The following ARG2 variants were observed in gnomAD, a reference collection of about 807,000 sequenced individuals.
ARG2 encodes the protein arginase 2, also known as arginase-2, mitochondrial.
Under a neutral mutation model 39.4 loss-of-function variants are expected in ARG2, and 21 were observed. The ratio of observed to expected loss-of-function variants is 0.53; its 90% CI spans 0.38 to 0.77. The LOEUF (loss-of-function observed/expected upper bound fraction) is 0.77. ARG2 is among the 30% of genes least tolerant of loss of function. The pLI is 0.00. For synonymous variants in ARG2, 150 were observed against 156.7 expected (o/e 0.96, Z 0.32); for missense variants, 378 against 426.2 (o/e 0.89, Z 1.00).
chr14:67,621,698 GCTT>G (rs2036812171), intron 2 of ARG2, among the ~76,000 whole-genome samples: 1 of 151,382 alleles, frequency 6.6e-6, no homozygotes, highest in Admixed American at 6.6e-5. Context: ...GCCCACCTCA[GCTT>G]CCCAAAGTGC....
chr14:67,644,997 TAAAA>T (rs558540535), intron 3 of ARG2, among the ~76,000 whole-genome samples: 1 of 132,434 alleles, frequency 7.6e-6, no homozygotes, highest in South Asian at 2.4e-4. Flanking sequence ...GACTCCGTCT[TAAAA>T]AAAAAAAAAA....
At chr14:67,620,841 T>G (rs1020093623) in intron 1 of ARG2, 53 bp from the exon 2 acceptor site, 45 of 1,595,572 alleles carry the variant, frequency 2.8e-5, no homozygotes, top group Non-Finnish European at 4.3e-6. Context: ...ACCAAATGGG[T>G]TTTTTTCCGA....
intron 2 of ARG2, among the ~76,000 whole-genome samples, chr14:67,639,972 T>G (rs995711564): frequency 6.6e-6 from 1 of 151,330 alleles, no homozygotes; most frequent in Non-Finnish European, 1.5e-5. Context: ...CAGGATTGTG[T>G]TGTCAACAGA....
chr14:67,630,889 G>C (rs1321753868), intron 2 of ARG2, among the ~76,000 whole-genome samples: 1 of 152,086 alleles, frequency 6.6e-6, no homozygotes, highest in African/African-American at 2.4e-5. Flanking sequence ...CGCCCATGTA[G>C]CATGTAGAAT....
Position 67,650,961 on chromosome 14 carries a change from G to C in ARG2, c.*41G>C, listed in dbSNP as rs2140793374. 6.3e-7 allele frequency: 1 copy of C among 1,579,030 alleles called. No individual in the cohort carries two copies. Among genetic ancestry groups the C allele is most frequent in the East Asian group, 2.2e-5 (1 of 44,736 alleles). ...GACATGTTTCACAACAGGCATTCCA[G>C]AATTATGAGGCATTGAGGGGATAGA... On this transcript the variant is annotated 3_prime_UTR_variant, in exon 8 of 8. Transcript: ENST00000261783.
chr14:67,630,216 G>A (rs1373166313), intron 2 of ARG2, among the ~76,000 whole-genome samples: 1 of 152,306 alleles, frequency 6.6e-6, no homozygotes, highest in Middle Eastern at 3.4e-3. Context: ...CTGTTGAAAT[G>A]GGTATCATAG....
At chr14:67,622,515 ACT>A (rs2036821479) in intron 2 of ARG2, among the ~76,000 whole-genome samples, 1 of 152,074 alleles carries the variant, frequency 6.6e-6, no homozygotes, top group South Asian at 2.1e-4. Context: ...CATTTTAATA[ACT>A]CTCCAAGTTC....
At chr14:67,631,196 A>C (rs904801631) in intron 2 of ARG2, among the ~76,000 whole-genome samples, 4 of 152,136 alleles carry the variant, frequency 2.6e-5, no homozygotes, top group African/African-American at 9.7e-5. Flanking sequence ...TTCAGAGCCA[A>C]CTTCCTGGCT....
intron 3 of ARG2, among the ~76,000 whole-genome samples, chr14:67,643,800 G>A (rs2037062061): frequency 7.8e-6 from 1 of 127,998 alleles, no homozygotes; most frequent in Non-Finnish European, 1.6e-5. Flanking sequence ...TCACTGAACA[G>A]AAATGAAATC....
chr14:67,634,989 T>G (rs1465751926), intron 2 of ARG2, among the ~76,000 whole-genome samples: 1 of 152,140 alleles, frequency 6.6e-6, no homozygotes, highest in Non-Finnish European at 1.5e-5. Context: ...CTCACGCCTG[T>G]AATCCAGCAC....
chr14:67,642,418 A>C, intron 3 of ARG2, 55 bp downstream of exon 3: 4 of 1,570,176 alleles, frequency 2.5e-6, no homozygotes, highest in Non-Finnish European at 3.5e-6. Flanking sequence ...CTTGGGGCTC[A>C]TAACTTAGCT....
intron 2 of ARG2, among the ~76,000 whole-genome samples, chr14:67,632,978 G>A (rs1450326341): frequency 4.6e-5 from 7 of 151,404 alleles, no homozygotes; most frequent in African/African-American, 9.7e-5. Flanking sequence ...CCGCCACCAC[G>A]CCCGGCTAAT....
intron 2 of ARG2, among the ~76,000 whole-genome samples, chr14:67,629,145 G>A (rs992110154): frequency 2.0e-4 from 31 of 152,174 alleles, no homozygotes; most frequent in Non-Finnish European, 3.2e-4. Flanking sequence ...ACCAGCCTGG[G>A]CAACTTAGCG....
chr14:67,625,967 A>G (rs1725678544), intron 2 of ARG2, among the ~76,000 whole-genome samples: 1 of 152,162 alleles, frequency 6.6e-6, no homozygotes, highest in Non-Finnish European at 1.5e-5. Context: ...ATTTAAAACT[A>G]CAATGGCCGG....
At chr14:67,630,757 T>C (rs532276005) in intron 2 of ARG2, among the ~76,000 whole-genome samples, 1 of 152,150 alleles carries the variant, frequency 6.6e-6, no homozygotes, top group East Asian at 1.9e-4. Context: ...TTTTTGTATT[T>C]TTAGTAGAGA....
Position 67,645,711 on chromosome 14 carries a change from C to G in ARG2, c.431C>G (p.Ala144Gly). The G allele has an allele frequency of 6.2e-7, 1 of 1,613,948 alleles. No individual in the cohort carries two copies. Among genetic ancestry groups the G allele is most frequent in the East Asian group, 2.2e-5 (1 of 44,876 alleles). ...CPDLCVVWVD[A>G]HADINTPLTT... Reference sequence around the variant, plus strand: ...GACCTTTGTGTTGTCTGGGTTGATGCCCATGCTGACATCAACACACCCCTT... The same window carrying G: ...GACCTTTGTGTTGTCTGGGTTGATGGCCATGCTGACATCAACACACCCCTT... The change falls in exon 4 of 8, where the codon GCC becomes GGC. Residue 144 changes from alanine (A) to glycine (G), a missense_variant. Ala to Gly is a moderately conservative substitution (Grantham distance 60). Transcript: ENST00000261783.
chr14:67,650,788 A>G lies in ARG2; in HGVS notation c.933A>G (p.Thr311=). Reference sequence around the variant, plus strand: ...CCTCAGAGGAAGAGGCGAAGACTACAGCTAACCTGGCAGTAGATGTGATTG... The same window carrying G: ...CCTCAGAGGAAGAGGCGAAGACTACGGCTAACCTGGCAGTAGATGTGATTG... ...LATSEEEAKT[T]ANLAVDVIAS... Residue 311 remains threonine, a synonymous_variant, in exon 8 of 8, where the codon ACA becomes ACG. Transcript: ENST00000261783. 17 of 1,614,212 alleles carry G rather than the reference A, an allele frequency of 1.1e-5. No homozygotes were observed. The highest frequency in any genetic ancestry group is 1.4e-5 in the Non-Finnish European group (17 of 1,180,024).
intron 4 of ARG2, among the ~76,000 whole-genome samples, 179 bp downstream of exon 4, chr14:67,645,981 T>C (rs2037093229): frequency 6.6e-6 from 1 of 152,172 alleles, no homozygotes; most frequent in South Asian, 2.1e-4. Context: ...AGACTAGACA[T>C]AGTCTCTGTT....
chr14:67,624,934 C>G (rs978549311), intron 2 of ARG2, among the ~76,000 whole-genome samples: 1 of 152,142 alleles, frequency 6.6e-6, no homozygotes, highest in African/African-American at 2.4e-5. Flanking sequence ...CCTGGACAAC[C>G]GATAGCCTGC....
Sources: gnomAD v4.1 joint callset for allele counts (sites outside exome capture counted in the v4.1 genomes callset) on GRCh38, gnomAD v4.1.1 for gene constraint, MANE v1.5 for transcripts, NCBI Gene and HGNC (gene_info 2026-07-23, HGNC 2026-07-21) for gene names.